The following KBTBD11 variants were observed in gnomAD, a reference collection of about 807,000 sequenced individuals.
KBTBD11 encodes kelch repeat and BTB domain containing 11.
For missense variants in KBTBD11, 1,390 were observed against 1,001.8 expected, an observed-to-expected ratio of 1.39 and a Z score of -5.23; for synonymous variants, 747 against 499.0, an observed-to-expected ratio of 1.50 and a Z score of -6.63.
rs2129316052 is a variant in KBTBD11, at chr8:2,000,910, A to G, written c.-283A>G. On this transcript the variant is annotated 5_prime_UTR_variant, in exon 2 of 2. Transcript: ENST00000320248. ...GCGCCAGCTGGAGATCCATTCACCA[A>G]GACTTTCTGGGCAGATTTAAAGTGG... The G allele has an allele frequency of 2.7e-6, 1 of 367,644 alleles. No individual in the cohort carries two copies. The highest frequency in any genetic ancestry group is 4.0e-5 in the East Asian group (1 of 25,264). The allele number at this position is 367,644 out of a possible 1,614,324, so 22.8% of individuals were successfully genotyped here. A position where few individuals can be genotyped will look rare whatever the true frequency, so the allele number is the denominator to read the frequency against.
chr8:1,990,394 G>C (rs1288390379), intron 1 of KBTBD11, among the ~76,000 whole-genome samples: 4 of 141,948 alleles, frequency 2.8e-5, no homozygotes, highest in African/African-American at 5.3e-5. Context: ...TTGGCGCCCT[G>C]TCCGGGTAGG....
intron 1 of KBTBD11, among the ~76,000 whole-genome samples, chr8:1,979,014 C>T (rs1162890973): frequency 2.6e-5 from 4 of 152,154 alleles, no homozygotes; most frequent in Admixed American, 6.5e-5. Flanking sequence ...TGTAGGCCCT[C>T]GTGCTGGTCA....
chr8:2,001,836 A>T lies in KBTBD11; in HGVS notation c.644A>T (p.Gln215Leu), dbSNP rs2129316498. The change falls in exon 2 of 2, where the codon CAG (glutamine) becomes CTG (leucine). Residue 215 changes from glutamine to leucine, a missense_variant. Physicochemically the swap from Gln to Leu is moderately radical, Grantham distance 113. Coordinates refer to ENST00000320248, the MANE Select transcript of KBTBD11 (RefSeq NM_014867.3). ...AEVVAGARRL[Q>L]LPGAAQRATD... ...GTGGTGGCCGGCGCGCGCCGCCTGC[A>T]GCTGCCCGGCGCCGCGCAGCGCGCC... The T allele has an allele frequency of 1.6e-6, 2 of 1,217,046 alleles. No individual in the cohort carries two copies. Among genetic ancestry groups the T allele is most frequent in the Non-Finnish European group, 2.0e-6 (2 of 981,588 alleles). 75.4% of individuals were successfully genotyped at this position (1,217,046 alleles called of 1,614,324 possible).
intron 1 of KBTBD11, among the ~76,000 whole-genome samples, chr8:1,988,338 A>C (rs1043762551): frequency 6.6e-6 from 1 of 152,070 alleles, no homozygotes; most frequent in African/African-American, 2.4e-5. Context: ...ACTAGTTTAC[A>C]CTCCCACCAA....
chr8:1,993,358 G>GTCCGTCCGTCC (rs1278140618), intron 1 of KBTBD11, among the ~76,000 whole-genome samples: 1 of 149,688 alleles, frequency 6.7e-6, no homozygotes, highest in Admixed American at 6.6e-5. Context: ...TCCATCCATC[G>GTCCGTCCGTCC]GTCCATCCGT....
chr8:1,976,791 G>C (rs1216917459), intron 1 of KBTBD11, among the ~76,000 whole-genome samples: 1 of 152,222 alleles, frequency 6.6e-6, no homozygotes, highest in Non-Finnish European at 1.5e-5. Context: ...GTTAGGCCGA[G>C]AACTAAGGGA....
At chr8:1,978,192 C>A (rs1816416161) in intron 1 of KBTBD11, among the ~76,000 whole-genome samples, 1 of 152,224 alleles carries the variant, frequency 6.6e-6, no homozygotes. Context: ...TGTTCCCCTC[C>A]CTGAGTCCAT....
intron 1 of KBTBD11, among the ~76,000 whole-genome samples, chr8:1,979,128 C>G (rs1478742805): frequency 6.6e-6 from 1 of 152,164 alleles, no homozygotes; most frequent in Admixed American, 6.5e-5. Context: ...AAGGACCTGG[C>G]TCATCCGATG....
chr8:1,974,882 C>G (rs1816276900), intron 1 of KBTBD11: 1 of 207,042 alleles, frequency 4.8e-6, no homozygotes, highest in East Asian at 1.8e-4. Flanking sequence ...TTCTACTCAG[C>G]CCACGAAAGG....
Position 2,002,234 on chromosome 8 carries a change from C to T in KBTBD11, c.1042C>T (p.Pro348Ser). Residue 348 changes from proline to serine, a missense_variant, in exon 2 of 2, where the codon CCG becomes TCG. Transcript: ENST00000320248. The surrounding 1 kb of genome is among the most constrained non-coding windows in gnomAD (Gnocchi z 4.1). ...RELTRLPEGA[P>S]ARGCGLCVLY... The stretch of plus-strand genomic sequence containing the variant: ...GCTGACGCGGCTGCCCGAGGGCGCG[C>T]CGGCGCGGGGCTGCGGCCTGTGCGT... 1 of 1,269,312 alleles carries T rather than the reference C, an allele frequency of 7.9e-7. No individual in the cohort carries two copies. Among genetic ancestry groups the T allele is most frequent in the Non-Finnish European group, 9.9e-7 (1 of 1,012,238 alleles). The allele number at this position is 1,269,312 out of a possible 1,614,324, so 78.6% of individuals were successfully genotyped here.
chr8:1,996,097 G>A (rs933302593), intron 1 of KBTBD11, among the ~76,000 whole-genome samples: 25 of 152,154 alleles, frequency 1.6e-4, no homozygotes, highest in African/African-American at 5.6e-4. Context: ...TAGACTTATG[G>A]CCCTTCTTTC....
At chr8:1,988,091 A>T (rs189591137) in intron 1 of KBTBD11, among the ~76,000 whole-genome samples, 127 of 152,318 alleles carry the variant, frequency 8.3e-4, no homozygotes, top group African/African-American at 3.0e-3. Context: ...ATAGTATTCC[A>T]TGGTGTATAT....
intron 1 of KBTBD11, among the ~76,000 whole-genome samples, chr8:1,997,072 C>G (rs890156426): frequency 1.3e-5 from 2 of 152,114 alleles, no homozygotes; most frequent in Non-Finnish European, 1.5e-5. Context: ...GGTTGTGACT[C>G]CAGAAGTGGG....
intron 1 of KBTBD11, among the ~76,000 whole-genome samples, chr8:1,984,077 C>T (rs1273411383): frequency 6.6e-6 from 1 of 152,158 alleles, no homozygotes; most frequent in Non-Finnish European, 1.5e-5. Context: ...TTGCAGTGAG[C>T]CAAGATCGCG....
Position 1,973,679 on chromosome 8 carries a change from G to A in KBTBD11, c.-1165G>A, listed in dbSNP as rs1177027590. ...TGCACGCGCCCGCCCCCCTCCCCGC[G>A]CCCCGCGCGCGCCCCTCGCAGCCTG... On this transcript the variant is annotated 5_prime_UTR_variant, in exon 1 of 2. Coordinates refer to ENST00000320248, the MANE Select transcript of KBTBD11 (RefSeq NM_014867.3). The A allele has an allele frequency of 3.1e-6, 3 of 982,062 alleles. No homozygotes were observed. Among genetic ancestry groups the A allele is most frequent in the Non-Finnish European group, 2.4e-6 (2 of 827,838 alleles). The allele number at this position is 982,062 out of a possible 1,614,324, so 60.8% of individuals were successfully genotyped here.
chr8:1,999,107 A>G (rs1476940155), intron 1 of KBTBD11, among the ~76,000 whole-genome samples: 1 of 152,244 alleles, frequency 6.6e-6, no homozygotes, highest in Admixed American at 6.5e-5. Flanking sequence ...TTCTATGCAC[A>G]TAGGGAGTGT....
At position 2,002,424 on chromosome 8, in the gene KBTBD11, A is replaced by G; in HGVS notation, c.1232A>G (p.Asp411Gly). 1.3e-6 allele frequency: 2 copies of G among 1,493,324 alleles called. No homozygotes were observed. Among genetic ancestry groups the G allele is most frequent in the Non-Finnish European group, 1.8e-6 (2 of 1,128,592 alleles). 92.5% of individuals were successfully genotyped at this position (1,493,324 alleles called of 1,614,324 possible). Residue 411 changes from aspartate to glycine, a missense_variant, in exon 2 of 2, where the codon GAC becomes GGC. Transcript: ENST00000320248. The surrounding 1 kb of genome is among the most constrained non-coding windows in gnomAD (Gnocchi z 4.1). The stretch of plus-strand genomic sequence containing the variant: ...TCGCAGCTGCGGCTGCTGGCCCTGG[A>G]CGGTCACCTCTACGCCGTGGGCGGC... The part of the protein sequence containing the change: ...ARSQLRLLAL[D>G]GHLYAVGGEC...
In KBTBD11 at chr8:1,995,379, C is replaced by T. The variant is rs558016201; in HGVS notation, c.-908-4906C>T. 8.5e-5 allele frequency among the ~76,000 whole-genome samples: 13 copies of T among 152,120 alleles called. No homozygotes were observed. The South Asian group carries it at 1.9e-3, about 22-fold the overall frequency. Reference sequence around the variant, plus strand: ...CAGAACCTTGCTTTTAGTAGCCGTACGGCCAAGTTAAATATGGGCTGCATT... The same window carrying T: ...CAGAACCTTGCTTTTAGTAGCCGTATGGCCAAGTTAAATATGGGCTGCATT... On this transcript the variant is annotated intron_variant, in intron 1 of 1. Transcript: ENST00000320248.
Position 2,003,039 on chromosome 8 carries a change from C to T in KBTBD11, c.1847C>T (p.Pro616Leu). ...PFALSLPEKP[P>L]RGEQGAP Reference sequence around the variant, plus strand: ...GCTCTCAGCCTGCCTGAGAAGCCGCCCCGAGGGGAGCAGGGCGCCCCGTAG... The same window carrying T: ...GCTCTCAGCCTGCCTGAGAAGCCGCTCCGAGGGGAGCAGGGCGCCCCGTAG... Residue 616 changes from proline (P) to leucine (L), a missense_variant, in exon 2 of 2, where the codon CCC becomes CTC. Pro to Leu is a moderately conservative substitution (Grantham distance 98, BLOSUM62 -3). Coordinates refer to ENST00000320248, the MANE Select transcript of KBTBD11 (RefSeq NM_014867.3). 1 of 1,273,352 alleles carries T rather than the reference C, an allele frequency of 7.9e-7. No homozygotes were observed. Among genetic ancestry groups the T allele is most frequent in the Non-Finnish European group, 9.9e-7 (1 of 1,008,084 alleles). The allele number at this position is 1,273,352 out of a possible 1,614,324, so 78.9% of individuals were successfully genotyped here. A position where few individuals can be genotyped will look rare whatever the true frequency, so the allele number is the denominator to read the frequency against.
Sources: allele counts gnomAD v4.1 joint callset (sites outside exome capture counted in the v4.1 genomes callset), GRCh38; gene constraint gnomAD v4.1.1; non-coding constraint Gnocchi (gnomAD v3.1); transcripts MANE v1.5; gene names NCBI Gene and HGNC (gene_info 2026-07-23, HGNC 2026-07-21).